Variants in SGCZ observed in about 807,000 individuals in gnomAD.
SGCZ encodes sarcoglycan zeta.
In SGCZ, 40 loss-of-function variants were observed where a neutral mutation model predicts 41.3. That is an observed-to-expected ratio of 0.97 (90% CI 0.75 to 1.26). The LOEUF (loss-of-function observed/expected upper bound fraction) is 1.26, where lower values mean the gene tolerates loss of function less well. Among genes scored for constraint, SGCZ ranks in the 50% most tolerant of loss-of-function variants. The pLI is 0.00. For synonymous variants in SGCZ, 206 were observed against 137.5 expected, an observed-to-expected ratio of 1.50 and a Z score of -3.49; for missense variants, 552 against 369.8, an observed-to-expected ratio of 1.49 and a Z score of -4.04.
chr8:15,162,468 C>T (rs1050144582), intron 1 of SGCZ, among the ~76,000 whole-genome samples: 2 of 152,158 alleles, frequency 1.3e-5, no homozygotes, highest in Non-Finnish European at 2.9e-5. Flanking sequence ...CCTTTAGCTA[C>T]AAGTCACGTG....
chr8:14,824,436 ACT>A (rs1357664288), intron 1 of SGCZ, among the ~76,000 whole-genome samples: 22 of 152,254 alleles, frequency 1.4e-4, no homozygotes, highest in African/African-American at 5.3e-4. Flanking sequence ...CCCCTAAATT[ACT>A]GACACTAAAA....
intron 1 of SGCZ, among the ~76,000 whole-genome samples, chr8:14,824,121 A>C (rs1802208336): frequency 6.6e-6 from 1 of 152,114 alleles, no homozygotes; most frequent in African/African-American, 2.4e-5. Context: ...GGATGAGAAA[A>C]GGTTTTTCGA....
chr8:14,910,480 A>C (rs1799251161), intron 1 of SGCZ, among the ~76,000 whole-genome samples: 1 of 149,126 alleles, frequency 6.7e-6, no homozygotes, highest in East Asian at 2.0e-4. Context: ...TAAATCTTGA[A>C]ATCTGTTTTT....
chr8:14,230,528 G>A (rs907173575), intron 4 of SGCZ, among the ~76,000 whole-genome samples: 2 of 152,054 alleles, frequency 1.3e-5, no homozygotes. Flanking sequence ...CTGGGATTTA[G>A]CAGTCTCCAA....
At chr8:14,592,723 C>T (rs1481197224) in intron 1 of SGCZ, among the ~76,000 whole-genome samples, 2 of 152,106 alleles carry the variant, frequency 1.3e-5, no homozygotes, top group African/African-American at 2.4e-5. Flanking sequence ...TTTTATGTGA[C>T]ATTAACATCT....
At chr8:15,223,504 T>A (rs1434871436) in intron 1 of SGCZ, among the ~76,000 whole-genome samples, 2 of 152,334 alleles carry the variant, frequency 1.3e-5, no homozygotes, top group East Asian at 3.9e-4. Context: ...TTTACTTCAT[T>A]ATTTAACGTG....
intron 4 of SGCZ, among the ~76,000 whole-genome samples, chr8:14,224,323 G>A (rs7835818): frequency 0.88 from 133,250 of 152,128 alleles, 58,877 homozygotes; most frequent in South Asian, 0.94. Context: ...ACATTGCAAT[G>A]AGGTTCAGTA....
At chr8:14,690,749 A>G (rs1808773428) in intron 1 of SGCZ, 1 of 152,212 alleles carries the variant, frequency 6.6e-6, no homozygotes, top group Non-Finnish European at 1.5e-5. Flanking sequence ...GGCTCTAGGT[A>G]AAACAATTAC....
intron 1 of SGCZ, among the ~76,000 whole-genome samples, chr8:14,710,625 G>C (rs374167997): frequency 6.6e-6 from 1 of 151,570 alleles, no homozygotes; most frequent in African/African-American, 2.4e-5. Flanking sequence ...TATTGTTTAC[G>C]AAAAAATGTC....
chr8:15,213,405 A>G (rs1801300709), intron 1 of SGCZ, among the ~76,000 whole-genome samples: 1 of 151,766 alleles, frequency 6.6e-6, no homozygotes, highest in Admixed American at 6.6e-5. Context: ...AAAAAATTCA[A>G]TGTTTCTATA....
chr8:15,027,853 T>C (rs1803515422), intron 1 of SGCZ, among the ~76,000 whole-genome samples: 2 of 152,112 alleles, frequency 1.3e-5, no homozygotes, highest in African/African-American at 4.8e-5. Context: ...TGTATATTTA[T>C]TTAGCTCTTC....
intron 1 of SGCZ, among the ~76,000 whole-genome samples, chr8:14,842,757 G>A (rs769715397): frequency 6.6e-6 from 1 of 152,148 alleles, no homozygotes; most frequent in Non-Finnish European, 1.5e-5. Context: ...CTTGGGATTT[G>A]TACACTGGAT....
At chr8:14,438,566 T>G (rs1165723582) in intron 2 of SGCZ, among the ~76,000 whole-genome samples, 1 of 151,942 alleles carries the variant, frequency 6.6e-6, no homozygotes, top group Admixed American at 6.6e-5. Flanking sequence ...TGAAAAAGCA[T>G]AAAAAGTGTT....
At chr8:14,848,803 C>A (rs1563313304) in intron 1 of SGCZ, among the ~76,000 whole-genome samples, 1 of 152,058 alleles carries the variant, frequency 6.6e-6, no homozygotes. Flanking sequence ...TAAGAACCGT[C>A]CCAGAAGCAC....
At chr8:14,468,808 C>T (rs942016667) in intron 2 of SGCZ, among the ~76,000 whole-genome samples, 3 of 152,052 alleles carry the variant, frequency 2.0e-5, no homozygotes, top group African/African-American at 4.8e-5. Context: ...TGAAATATAA[C>T]AAGCTTATTG....
At chr8:14,254,098 C>G (rs1453734862) in intron 3 of SGCZ, among the ~76,000 whole-genome samples, 1 of 151,928 alleles carries the variant, frequency 6.6e-6, no homozygotes, top group African/African-American at 2.4e-5. Flanking sequence ...AATCCATTAA[C>G]AGAACTGAAG....
At chr8:15,179,562 A>T (rs1355925801) in intron 1 of SGCZ, among the ~76,000 whole-genome samples, 2 of 152,196 alleles carry the variant, frequency 1.3e-5, no homozygotes, top group Non-Finnish European at 2.9e-5. Context: ...TGAATAGTTT[A>T]CAATTCATGC....
At chr8:14,509,654 C>T (rs1230506010) in intron 2 of SGCZ, among the ~76,000 whole-genome samples, 1 of 152,104 alleles carries the variant, frequency 6.6e-6, no homozygotes, top group African/African-American at 2.4e-5. Flanking sequence ...TTTTCACTCC[C>T]ACAGAACTTC....
chr8:15,196,074 T>C (rs1273661397), intron 1 of SGCZ, among the ~76,000 whole-genome samples: 2 of 147,256 alleles, frequency 1.4e-5, no homozygotes, highest in African/African-American at 2.5e-5. Context: ...ATTTTTTGTA[T>C]TTTTAGTAGA....
Sources: gnomAD v4.1 joint callset for allele counts (sites outside exome capture counted in the v4.1 genomes callset) on GRCh38, gnomAD v4.1.1 for gene constraint, MANE v1.5 for transcripts, NCBI Gene and HGNC (gene_info 2026-07-23, HGNC 2026-07-21) for gene names.